NCKAP5: variants seen among roughly 807,000 people sequenced by gnomAD.
NCKAP5 encodes the protein NCK associated protein 5, also known as nck-associated protein 5.
A neutral mutation model predicts 167.0 loss-of-function variants in NCKAP5; 92 were observed. That is an observed-to-expected ratio of 0.55 (90% CI 0.47 to 0.66). The LOEUF (loss-of-function observed/expected upper bound fraction) is 0.66. NCKAP5 is among the 30% of genes least tolerant of loss of function. NCKAP5 has a pLI of 0.00. For missense variants in NCKAP5, 2,378 were observed against 2,315.0 expected, an observed-to-expected ratio of 1.03 and a Z score of -0.56; for synonymous variants, 891 against 877.4, an observed-to-expected ratio of 1.02 and a Z score of -0.27.
At chr2:133,127,514 C>T (rs533079137) in intron 6 of NCKAP5, among the ~76,000 whole-genome samples, 1 of 152,298 alleles carries the variant, frequency 6.6e-6, no homozygotes, top group South Asian at 2.1e-4. Context: ...TCTTCTCTTT[C>T]AGCCTAGGAT....
At chr2:133,555,946 A>G (rs1049846424) in intron 2 of NCKAP5, among the ~76,000 whole-genome samples, 1 of 152,238 alleles carries the variant, frequency 6.6e-6, no homozygotes, top group Non-Finnish European at 1.5e-5. Context: ...AACAATGTGC[A>G]TAAAGTTATA....
intron 5 of NCKAP5, among the ~76,000 whole-genome samples, chr2:133,203,772 G>A (rs1180918442): frequency 6.6e-6 from 1 of 152,192 alleles, no homozygotes; most frequent in South Asian, 2.1e-4. Flanking sequence ...TTTGGGAATG[G>A]TATTTTTCCT....
At chr2:133,609,121 C>T in the NCKAP5 span, among the ~76,000 whole-genome samples, 1 of 152,292 alleles carries the variant, frequency 6.6e-6, no homozygotes, top group South Asian at 2.1e-4. Context: ...ACGAGCCAGG[C>T]ATCAGAATTC....
intron 8 of NCKAP5, among the ~76,000 whole-genome samples, chr2:132,933,034 C>T (rs1373359265): frequency 3.3e-5 from 5 of 151,408 alleles, no homozygotes; most frequent in African/African-American, 1.2e-4. Flanking sequence ...ACGCCATTCT[C>T]CTGCCTCAGC....
chr2:133,351,384 C>A (rs549544536), intron 3 of NCKAP5, among the ~76,000 whole-genome samples: 2 of 151,800 alleles, frequency 1.3e-5, no homozygotes, highest in African/African-American at 4.8e-5. Flanking sequence ...AATATAACTT[C>A]TTTGAGCCTT....
chr2:133,436,695 C>T (rs1286203890), intron 3 of NCKAP5, among the ~76,000 whole-genome samples: 1 of 152,124 alleles, frequency 6.6e-6, no homozygotes, highest in Non-Finnish European at 1.5e-5. Context: ...TCGGCTTCGG[C>T]GTCGCCCTTC....
intron 3 of NCKAP5, among the ~76,000 whole-genome samples, chr2:133,328,003 G>A (rs1302826230): frequency 2.0e-5 from 3 of 151,982 alleles, no homozygotes; most frequent in Admixed American, 6.5e-5. Context: ...GTAGTGCCCA[G>A]GTTGATCTAG....
chr2:133,019,119 T>A (rs780332680), intron 6 of NCKAP5, among the ~76,000 whole-genome samples: 12 of 152,328 alleles, frequency 7.9e-5, no homozygotes, highest in East Asian at 1.9e-4. Context: ...GGATTTCACT[T>A]CCTTAAACTT....
chr2:133,638,555 A>G, the NCKAP5 span, among the ~76,000 whole-genome samples: 10 of 152,266 alleles, frequency 6.6e-5, no homozygotes, highest in Admixed American at 1.3e-4. Context: ...CTCTCAATCA[A>G]AAGACTCCGA....
chr2:132,966,958 CAA>C (rs2076687978), intron 7 of NCKAP5, among the ~76,000 whole-genome samples: 1 of 152,148 alleles, frequency 6.6e-6, no homozygotes, highest in Admixed American at 6.5e-5. Flanking sequence ...AAAGCTAAAA[CAA>C]CAAGGCACAG....
intron 6 of NCKAP5, among the ~76,000 whole-genome samples, chr2:133,109,477 G>C (rs2149710241): frequency 6.6e-6 from 1 of 152,232 alleles, no homozygotes; most frequent in Non-Finnish European, 1.5e-5. Context: ...GATCTATTAA[G>C]ACTGTCTGAT....
chr2:133,221,174 A>T (rs1399012383), intron 4 of NCKAP5, among the ~76,000 whole-genome samples: 1 of 152,180 alleles, frequency 6.6e-6, no homozygotes. Context: ...TATAACAAAT[A>T]AACATGCTTA....
chr2:132,698,927 C>A (rs1687599854), intron 19 of NCKAP5, among the ~76,000 whole-genome samples: 2 of 152,182 alleles, frequency 1.3e-5, no homozygotes, highest in African/African-American at 2.4e-5. Flanking sequence ...TAAGGCCCAG[C>A]AATGTATGTT....
intron 1 of NCKAP5, among the ~76,000 whole-genome samples, chr2:133,564,565 G>A (rs945983300): frequency 6.6e-6 from 1 of 152,176 alleles, no homozygotes. Flanking sequence ...GCTATGCAGT[G>A]TAAGCATCCC....
intron 16 of NCKAP5, among the ~76,000 whole-genome samples, chr2:132,749,840 C>T (rs1045335937): frequency 6.6e-6 from 1 of 152,166 alleles, no homozygotes; most frequent in Non-Finnish European, 1.5e-5. Flanking sequence ...TGGCAGATGA[C>T]TGTGACTTCA....
chr2:133,291,425 A>G (rs1403089002), intron 4 of NCKAP5, among the ~76,000 whole-genome samples: 1 of 152,110 alleles, frequency 6.6e-6, no homozygotes, highest in Non-Finnish European at 1.5e-5. Context: ...TCAACAGGAG[A>G]TGGGGCGGGA....
chr2:132,806,718 GCTGT>G (rs1395419164), intron 11 of NCKAP5, among the ~76,000 whole-genome samples: 3 of 152,136 alleles, frequency 2.0e-5, no homozygotes, highest in Non-Finnish European at 4.4e-5. Flanking sequence ...CACTCTGTGG[GCTGT>G]CTGTTTACTG....
intron 3 of NCKAP5, among the ~76,000 whole-genome samples, chr2:133,346,589 C>G (rs1027159774): frequency 6.6e-6 from 1 of 152,176 alleles, no homozygotes; most frequent in African/African-American, 2.4e-5. Flanking sequence ...TCTAATTAGC[C>G]ATATGGCAGC....
chr2:132,744,743 G>T (rs1679501102), intron 16 of NCKAP5, among the ~76,000 whole-genome samples: 1 of 151,460 alleles, frequency 6.6e-6, no homozygotes, highest in African/African-American at 2.4e-5. Context: ...GACTAAAGGA[G>T]AAAAGACAAA....
Sources: gnomAD v4.1 joint callset for allele counts (sites outside exome capture counted in the v4.1 genomes callset) on GRCh38, gnomAD v4.1.1 for gene constraint, MANE v1.5 for transcripts, NCBI Gene and HGNC (gene_info 2026-07-23, HGNC 2026-07-21) for gene names.